Variants in CADPS observed in about 807,000 individuals in gnomAD.
CADPS encodes calcium-dependent secretion activator 1.
In CADPS, 57 loss-of-function variants were observed where a neutral mutation model predicts 167.3. The ratio of observed to expected loss-of-function variants is 0.34; its 90% CI spans 0.28 to 0.42. The LOEUF (loss-of-function observed/expected upper bound fraction) is 0.42, where lower values mean the gene tolerates loss of function less well. Ranked by LOEUF, CADPS falls within the 20% of genes least tolerant of loss-of-function variation. The pLI is 1.00. For synonymous variants in CADPS, 676 were observed against 635.3 expected (o/e 1.06, Z -0.96); for missense variants, 1,414 against 1,738.1 (o/e 0.81, Z 3.32).
At chr3:62,516,919 G>A (rs573608269) in intron 14 of CADPS, among the ~76,000 whole-genome samples, 1 of 152,078 alleles carries the variant, frequency 6.6e-6, no homozygotes, top group African/African-American at 2.4e-5. Flanking sequence ...GATTTCTATT[G>A]TGAAGGAGAA....
In CADPS at chr3:62,730,644, T is replaced by C. The variant is rs115931388; in HGVS notation, c.888+22797A>G. 3.0e-3 allele frequency among the ~76,000 whole-genome samples: 454 copies of C among 152,298 alleles called. 3 individuals carry two copies. The highest frequency in any genetic ancestry group is 0.011 in the African/African-American group (439 of 41,560). ...GCAGGCCACTCCTTCAAAGGGTACC[T>C]TCAGGGTTGCACCAGACTGGGAGAC... On this transcript the variant is annotated intron_variant, in intron 3 of 29. Coordinates refer to ENST00000383710, the MANE Select transcript of CADPS (RefSeq NM_003716.4).
At chr3:62,573,496 A>G (rs115826922) in intron 8 of CADPS, among the ~76,000 whole-genome samples, 2,018 of 152,328 alleles carry the variant, frequency 0.013, 46 homozygotes, top group African/African-American at 0.045. Context: ...GACAAAGTCC[A>G]GCATCTTGAC....
chr3:62,696,996 G>T (rs34400995), intron 3 of CADPS, among the ~76,000 whole-genome samples: 12,083 of 152,156 alleles, frequency 0.079, 635 homozygotes, highest in Non-Finnish European at 0.12. Flanking sequence ...GAAGAACCCT[G>T]AGAGATGTAG....
intron 6 of CADPS, among the ~76,000 whole-genome samples, chr3:62,633,818 C>G (rs1056114411): frequency 1.3e-4 from 20 of 152,066 alleles, no homozygotes; most frequent in African/African-American, 3.4e-4. Context: ...TGGCCAAAGC[C>G]AAATATAGAT....
chr3:62,554,353 G>C lies in CADPS; in HGVS notation c.1753+3052C>G, dbSNP rs573405705. On this transcript the variant is annotated intron_variant, in intron 10 of 29. Transcript: ENST00000383710. ...TTATTTAGTGGAAATGCTTGTGTCT[G>C]GGGGAACCACGTAGATTGTAGGCTG... 5.9e-5 allele frequency among the ~76,000 whole-genome samples: 9 copies of C among 152,280 alleles called. No individual in the cohort carries two copies. In the East Asian group the frequency reaches 1.7e-3, roughly 29 times the overall value.
At chr3:62,795,943 T>G (rs1345764694) in intron 1 of CADPS, among the ~76,000 whole-genome samples, 1 of 152,082 alleles carries the variant, frequency 6.6e-6, no homozygotes, top group African/African-American at 2.4e-5. Flanking sequence ...ATCATGATGG[T>G]GGGGACACTC....
At chr3:62,687,449 T>C (rs912143042) in intron 3 of CADPS, among the ~76,000 whole-genome samples, 1 of 152,072 alleles carries the variant, frequency 6.6e-6, no homozygotes, top group African/African-American at 2.4e-5. Context: ...TGAACGTTAA[T>C]AAGACCTAAG....
chr3:62,577,035 G>A (rs1050968616), intron 8 of CADPS, among the ~76,000 whole-genome samples: 2 of 151,876 alleles, frequency 1.3e-5, no homozygotes, highest in Non-Finnish European at 2.9e-5. Flanking sequence ...CAGAGTGAGC[G>A]AGCTACAAAG....
At chr3:62,578,792 A>G (rs2082830151) in intron 8 of CADPS, among the ~76,000 whole-genome samples, 1 of 152,166 alleles carries the variant, frequency 6.6e-6, no homozygotes, top group Non-Finnish European at 1.5e-5. Context: ...AGATTCTTTG[A>G]ACAACACTAT....
At chr3:62,581,107 G>C (rs898749457) in intron 8 of CADPS, among the ~76,000 whole-genome samples, 1 of 152,138 alleles carries the variant, frequency 6.6e-6, no homozygotes, top group Non-Finnish European at 1.5e-5. Flanking sequence ...TATTTAACTG[G>C]TGTAAAGAAG....
At position 62,481,866 on chromosome 3, in the gene CADPS, A is replaced by G. The variant is rs755986219; in HGVS notation, c.3030T>C (p.Ser1010=). 3 of 1,606,962 alleles carry G rather than the reference A, an allele frequency of 1.9e-6. No homozygotes were observed. The highest frequency in any genetic ancestry group is 1.7e-6 in the Non-Finnish European group (2 of 1,177,464). Residue 1010 remains serine, a synonymous_variant, in exon 22 of 30, where the codon AGT becomes AGC. Coordinates refer to ENST00000383710, the MANE Select transcript of CADPS (RefSeq NM_003716.4). ...TCACATTGGGTAGGTTACTGGTTAA[A>G]CTCCTGTGGAAGAAACAGACAGAAA... ...FERESWEPVK[S]LTSNLPNVNL...
Position 62,474,170 on chromosome 3 carries a change from T to TTTTTTTTTTTTTTTTTTAA in CADPS, c.3477+2_3477+3insTTAAAAAAAAAAAAAAAAA. ...AAATCTGTATTTTTTTTTTTTTTTT[T>TTTTTTTTTTTTTTTTTTAA]ACCTCTTGGCCCATTTCCATGCTGC... On this transcript the variant is annotated splice_region_variant and intron_variant, in intron 24 of 29. Coordinates refer to ENST00000383710, the MANE Select transcript of CADPS (RefSeq NM_003716.4). 3 of 1,475,394 alleles carry TTTTTTTTTTTTTTTTTTAA rather than the reference T, an allele frequency of 2.0e-6. No homozygotes were observed. The highest frequency in any genetic ancestry group is 2.7e-6 in the Non-Finnish European group (3 of 1,105,884). The allele number at this position is 1,475,394 out of a possible 1,614,324, so 91.4% of individuals were successfully genotyped here.
chr3:62,512,660 C>A (rs2068093854), intron 17 of CADPS, 91 bp downstream of exon 17: 1 of 957,228 alleles, frequency 1.0e-6, no homozygotes, highest in Non-Finnish European at 1.6e-6. Context: ...TCTGGGAGTA[C>A]AAACCTTAAG....
At chr3:62,461,732 C>A (rs1210279972) in intron 26 of CADPS, among the ~76,000 whole-genome samples, 3 of 152,194 alleles carry the variant, frequency 2.0e-5, no homozygotes, top group Non-Finnish European at 2.9e-5. Context: ...GCCTGAGCAT[C>A]CTGACTAAAG....
chr3:62,706,484 C>A (rs919099741), intron 3 of CADPS, among the ~76,000 whole-genome samples: 1 of 152,110 alleles, frequency 6.6e-6, no homozygotes, highest in Admixed American at 6.5e-5. Flanking sequence ...ACTGCTGTCA[C>A]AAGTACCACT....
At position 62,433,594 on chromosome 3, in the gene CADPS, C is replaced by T. The variant is rs535931745; in HGVS notation, c.3777+4510G>A. ...GGGCCTGGTTCCCAATGACACGGGGCCTGAAGAAAGCCAGTGCGGATGCGG... is the reference window on the plus strand; with the variant it reads ...GGGCCTGGTTCCCAATGACACGGGGTCTGAAGAAAGCCAGTGCGGATGCGG... On this transcript the variant is annotated intron_variant, in intron 28 of 29. Transcript: ENST00000383710. This position sits in a 1 kb window ranked among gnomAD's most constrained non-coding sequence, Gnocchi z 4.7. Among the ~76,000 whole-genome samples, 5 of 152,240 alleles carry T rather than the reference C, an allele frequency of 3.3e-5. No individual in the cohort carries two copies. In the South Asian group the frequency reaches 8.3e-4, roughly 25 times the overall value.
intron 3 of CADPS, among the ~76,000 whole-genome samples, chr3:62,682,136 T>G (rs2077239804): frequency 6.6e-6 from 1 of 152,096 alleles, no homozygotes; most frequent in African/African-American, 2.4e-5. Context: ...AGAGCCTTCC[T>G]TCTTAAGTAA....
intron 6 of CADPS, among the ~76,000 whole-genome samples, chr3:62,619,029 C>T (rs752065605): frequency 2.6e-5 from 4 of 152,226 alleles, no homozygotes; most frequent in Non-Finnish European, 4.4e-5. Flanking sequence ...GGCCTATTGC[C>T]TGGTTTTGTA....
At chr3:62,528,703 C>T (rs1013664026) in intron 13 of CADPS, among the ~76,000 whole-genome samples, 2 of 152,146 alleles carry the variant, frequency 1.3e-5, no homozygotes, top group African/African-American at 4.8e-5. Context: ...TTCTAACATT[C>T]AGGTCTTCAG....
Sources: gnomAD v4.1 joint callset for allele counts (sites outside exome capture counted in the v4.1 genomes callset) on GRCh38, gnomAD v4.1.1 for gene constraint, Gnocchi (gnomAD v3.1) non-coding constraint, MANE v1.5 for transcripts, NCBI Gene and HGNC (gene_info 2026-07-23, HGNC 2026-07-21) for gene names.